UBE4A: variants seen among roughly 807,000 people sequenced by gnomAD.
UBE4A encodes ubiquitin conjugation factor E4 A.
UBE4A carries 48 observed loss-of-function variants against 117.9 expected under a neutral mutation model. That is an observed-to-expected ratio of 0.41 (90% CI 0.32 to 0.52). The LOEUF (loss-of-function observed/expected upper bound fraction) is 0.52. Among genes scored for constraint, UBE4A ranks in the 20% least tolerant of loss-of-function variants. The pLI is 0.33. For synonymous variants in UBE4A, 407 were observed against 450.0 expected (o/e 0.90, Z 1.21); for missense variants, 1,067 against 1,296.3 (o/e 0.82, Z 2.72).
chr11:118,397,201 T>C lies in UBE4A; in HGVS notation c.*761T>C, dbSNP rs1468272420. The C allele has an allele frequency of 1.3e-5, 2 of 152,180 alleles. No individual in the cohort carries two copies. Among genetic ancestry groups the C allele is most frequent in the African/African-American group, 4.8e-5 (2 of 41,438 alleles). The allele number at this position is 152,180 out of a possible 1,614,324, so 9.4% of individuals were successfully genotyped here. A position where few individuals can be genotyped will look rare whatever the true frequency, so the allele number is the denominator to read the frequency against. ...TACAAGGACTAGGCCTAAGTAGATT[T>C]AGGCAACGGGTATCATATCCATGAA... is the stretch of plus-strand genomic sequence containing the variant. On this transcript the variant is annotated 3_prime_UTR_variant, in exon 20 of 20. Coordinates refer to ENST00000252108, the MANE Select transcript of UBE4A (RefSeq NM_001204077.2).
At chr11:118,371,173 TTATA>T (rs1300427612) in intron 4 of UBE4A, among the ~76,000 whole-genome samples, 1 of 152,334 alleles carries the variant, frequency 6.6e-6, no homozygotes, top group South Asian at 2.1e-4. Flanking sequence ...TGGAGTATCT[TTATA>T]TAAGTCTGAA....
At chr11:118,371,424 A>C in intron 4 of UBE4A, 90 bp from the exon 5 acceptor site, 1 of 1,431,990 alleles carries the variant, frequency 7.0e-7, no homozygotes, top group South Asian at 1.4e-5. Context: ...GATTCTTGCT[A>C]ATAACCTGTG....
rs1948895071 is a variant in UBE4A at position 118,398,401 on chromosome 11, A to G, written c.*1961A>G. 1 of 152,652 alleles carries G rather than the reference A, an allele frequency of 6.6e-6. No individual in the cohort carries two copies. The highest frequency in any genetic ancestry group is 1.5e-5 in the Non-Finnish European group (1 of 68,044). The allele number at this position is 152,652 out of a possible 1,614,324, so 9.5% of individuals were successfully genotyped here. A position where few individuals can be genotyped will look rare whatever the true frequency, so the allele number is the denominator to read the frequency against. On this transcript the variant is annotated 3_prime_UTR_variant, in exon 20 of 20. Transcript: ENST00000252108. ...TTTTATGAATGGCTATGGCACCATTAATGCTGCTGAATATCTTTAAACTCT... is the reference window on the plus strand; with the variant it reads ...TTTTATGAATGGCTATGGCACCATTGATGCTGCTGAATATCTTTAAACTCT...
chr11:118,378,917 C>T (rs1948676255), intron 10 of UBE4A: 1 of 153,520 alleles, frequency 6.5e-6, no homozygotes, highest in Non-Finnish European at 1.4e-5. Context: ...TATTGAACAA[C>T]AGAGAGCTGG....
chr11:118,372,751 G>A, intron 6 of UBE4A, 85 bp downstream of exon 6: 1 of 1,563,814 alleles, frequency 6.4e-7, no homozygotes, highest in Non-Finnish European at 8.7e-7. Context: ...AAGTCTCAGA[G>A]CCATTATGGT....
In UBE4A at chr11:118,375,202, C is replaced by A; in HGVS notation, c.1423C>A (p.Arg475=). The change falls in exon 9 of 20, where the codon CGA becomes AGA. Residue 475 remains arginine, a synonymous_variant. Transcript: ENST00000252108. ...CALKELNDEE[R]KIKNVHMRGL... is the part of the protein sequence containing the mutation. ...CCTCAAGGAGTTGAATGATGAAGAACGAAAAATTAAAAATGTACACATGAG... is the reference window on the plus strand; with the variant it reads ...CCTCAAGGAGTTGAATGATGAAGAAAGAAAAATTAAAAATGTACACATGAG... The A allele has an allele frequency of 1.2e-6, 2 of 1,608,122 alleles. No individual in the cohort carries two copies. Among genetic ancestry groups the A allele is most frequent in the Non-Finnish European group, 1.7e-6 (2 of 1,176,336 alleles).
intron 4 of UBE4A, 134 bp downstream of exon 4, chr11:118,369,669 A>G (rs1379921948): frequency 3.3e-6 from 2 of 605,668 alleles, no homozygotes; most frequent in East Asian, 2.9e-5. Context: ...TTTTTTTACC[A>G]GTAGAAGGCC....
Position 118,373,278 on chromosome 11 carries a change from A to G in UBE4A, c.914A>G (p.Asp305Gly), listed in dbSNP as rs757944913. The G allele has an allele frequency of 3.7e-6, 6 of 1,612,228 alleles. No homozygotes were observed. In the Admixed American group the frequency reaches 8.3e-5, roughly 22 times the overall value. Reference sequence around the variant, plus strand: ...CTTCTCTATTTCACTAGGCAAAAAGATATGGCAAAGGTAGGTCTGAAAGAT... The same window carrying G: ...CTTCTCTATTTCACTAGGCAAAAAGGTATGGCAAAGGTAGGTCTGAAAGAT... The part of the protein sequence containing the change: ...DILLYFTRQK[D>G]MAKVFVEYIQ... Residue 305 changes from aspartate to glycine, a missense_variant, in exon 7 of 20, where the codon GAT becomes GGT. Asp to Gly is a moderately conservative substitution (Grantham distance 94). Around this residue, in one of 3 missense-constraint regions of UBE4A, gnomAD observed 1,001 missense variants for 1,184.0 expected, o/e 0.85. Transcript: ENST00000252108.
At chr11:118,363,203 C>CT (rs1948533844) in intron 1 of UBE4A, among the ~76,000 whole-genome samples, 1 of 152,038 alleles carries the variant, frequency 6.6e-6, no homozygotes, top group Non-Finnish European at 1.5e-5. Flanking sequence ...GTATCTTTCC[C>CT]TTTTTTTGCA....
At chr11:118,360,988 G>C (rs957645716) in intron 1 of UBE4A, among the ~76,000 whole-genome samples, 1 of 138,576 alleles carries the variant, frequency 7.2e-6, no homozygotes, top group Non-Finnish European at 1.5e-5. Context: ...ATGTATATAT[G>C]TGTGTGTGTG....
At chr11:118,381,901 T>C (rs1222129129) in intron 12 of UBE4A, among the ~76,000 whole-genome samples, 1 of 152,208 alleles carries the variant, frequency 6.6e-6, no homozygotes, top group African/African-American at 2.4e-5. Flanking sequence ...GCAGTAAACT[T>C]AAGTCAATGT....
chr11:118,379,406 G>A, intron 10 of UBE4A, 40 bp from the exon 11 acceptor site: 2 of 1,577,994 alleles, frequency 1.3e-6, no homozygotes, highest in Admixed American at 3.5e-5. Flanking sequence ...GTGACTTTCT[G>A]TTTTCCCTGA....
intron 17 of UBE4A, among the ~76,000 whole-genome samples, 192 bp from the exon 18 acceptor site, chr11:118,390,462 TTTA>T (rs202149271): frequency 0.043 from 6,326 of 146,086 alleles, 165 homozygotes; most frequent in Non-Finnish European, 0.052. Flanking sequence ...TATATTATAT[TTTA>T]TTATTATAAA....
In UBE4A at chr11:118,374,995, T is replaced by C; in HGVS notation, c.1216T>C (p.Cys406Arg). Residue 406 changes from cysteine (C) to arginine (R), a missense_variant, in exon 9 of 20, where the codon TGT (cysteine) becomes CGT (arginine). By Grantham distance (180) the Cys-to-Arg change is radical. Coordinates refer to ENST00000252108, the MANE Select transcript of UBE4A (RefSeq NM_001204077.2). Reference sequence around the variant, plus strand: ...CTGTATCTTGTCCTGGCTTGGAAACTGTTTGCATGCAAATGCAGGCCGCAC... The same window carrying C: ...CTGTATCTTGTCCTGGCTTGGAAACCGTTTGCATGCAAATGCAGGCCGCAC... The part of the protein sequence containing the change: ...KHCILSWLGN[C>R]LHANAGRTKI... 6.2e-7 allele frequency: 1 copy of C among 1,612,320 alleles called. No individual in the cohort carries two copies.
rs538773426 is a variant in UBE4A, at chr11:118,374,907, G to C, written c.1128G>C (p.Gln376His). ...TTCTGGTTGAACAGTTCATGGCTCA[G>C]TTCCACGAAAAGATCTACCAGATGC... is the stretch of plus-strand genomic sequence containing the variant. ...QEANIHQFMA[Q>H]FHEKIYQMLK... Residue 376 changes from glutamine (Q) to histidine (H), a missense_variant, in exon 9 of 20, where the codon CAG (glutamine) becomes CAC (histidine). By Grantham distance (24) the Gln-to-His change is conservative. This residue lies in a region of UBE4A where 1,001 missense variants were observed against 1,184.0 expected (regional missense o/e 0.85). Transcript: ENST00000252108. 1.3e-6 allele frequency: 2 copies of C among 1,533,808 alleles called. No individual in the cohort carries two copies. Among genetic ancestry groups the C allele is most frequent in the African/African-American group, 1.4e-5 (1 of 72,586 alleles).
chr11:118,373,579 C>G lies in UBE4A; in HGVS notation c.1010C>G (p.Ser337Cys). The change falls in exon 8 of 20, where the codon TCC becomes TGC. Residue 337 changes from serine to cysteine, a missense_variant. Around this residue, in one of 3 missense-constraint regions of UBE4A, gnomAD observed 1,001 missense variants for 1,184.0 expected, o/e 0.85. Transcript: ENST00000252108. Reference sequence around the variant, plus strand: ...TTGCTGGGAGTAATTCTGAGTATCTCCTGCTTATTAAAGACTCCGGGTGTT... The same window carrying G: ...TTGCTGGGAGTAATTCTGAGTATCTGCTGCTTATTAAAGACTCCGGGTGTT... ...KTLLGVILSI[S>C]CLLKTPGVVE... The G allele has an allele frequency of 6.2e-7, 1 of 1,614,160 alleles. No homozygotes were observed. The highest frequency in any genetic ancestry group is 8.5e-7 in the Non-Finnish European group (1 of 1,180,034).
At chr11:118,395,211 C>T (rs1192129276) in intron 19 of UBE4A, among the ~76,000 whole-genome samples, 1 of 151,850 alleles carries the variant, frequency 6.6e-6, no homozygotes, top group African/African-American at 2.4e-5. Flanking sequence ...TGCCTGTAGT[C>T]CCAGCTACTC....
At chr11:118,364,850 G>A (rs1366432925) in intron 1 of UBE4A, among the ~76,000 whole-genome samples, 190 bp from the exon 2 acceptor site, 4 of 150,226 alleles carry the variant, frequency 2.7e-5, no homozygotes, top group African/African-American at 9.7e-5. Context: ...TCAAGCCACC[G>A]AGTCCAGCTG....
chr11:118,379,711 C>A lies in UBE4A; in HGVS notation c.1837C>A (p.Pro613Thr). 3 of 1,612,832 alleles carry A rather than the reference C, an allele frequency of 1.9e-6. No homozygotes were observed. The highest frequency in any genetic ancestry group is 2.5e-6 in the Non-Finnish European group (3 of 1,178,832). Reference protein sequence around the residue: ...EGSQPIELTFPLPDGYSSLAY... With the variant: ...EGSQPIELTFTLPDGYSSLAY... ...CTCACAGCCAATAGAGCTAACCTTTCCTTTGCCAGATGGCTACAGCTCTTT... is the reference window on the plus strand; with the variant it reads ...CTCACAGCCAATAGAGCTAACCTTTACTTTGCCAGATGGCTACAGCTCTTT... Residue 613 changes from proline (P) to threonine (T), a missense_variant, in exon 11 of 20, where the codon CCT becomes ACT. Physicochemically the swap from Pro to Thr is conservative, Grantham distance 38 (BLOSUM62 -1). Coordinates refer to ENST00000252108, the MANE Select transcript of UBE4A (RefSeq NM_001204077.2).
Sources: allele counts gnomAD v4.1 joint callset (sites outside exome capture counted in the v4.1 genomes callset), GRCh38; gene constraint gnomAD v4.1.1; regional missense constraint gnomAD v4.1.1; transcripts MANE v1.5; gene names NCBI Gene and HGNC (gene_info 2026-07-23, HGNC 2026-07-21).